HPSE2: variants seen among roughly 807,000 people sequenced by gnomAD.
HPSE2 encodes the protein inactive heparanase-2.
In HPSE2, 38 loss-of-function variants were observed where a neutral mutation model predicts 60.5. The ratio of observed to expected loss-of-function variants is 0.63; its 90% CI spans 0.48 to 0.82. The LOEUF (loss-of-function observed/expected upper bound fraction) is 0.82. Among genes scored for constraint, HPSE2 ranks in the 40% least tolerant of loss-of-function variants. HPSE2 has a pLI of 0.00. For synonymous variants in HPSE2, 295 were observed against 293.2 expected (o/e 1.01, Z -0.06); for missense variants, 713 against 740.4 (o/e 0.96, Z 0.43).
At chr10:98,555,676 TATA>T (rs1176868024) in intron 9 of HPSE2, among the ~76,000 whole-genome samples, 2 of 152,246 alleles carry the variant, frequency 1.3e-5, no homozygotes, top group African/African-American at 2.4e-5. Flanking sequence ...GTATAAAGTT[TATA>T]ATAAGAAAAG....
At chr10:99,059,336 C>T (rs188045853) in intron 3 of HPSE2, among the ~76,000 whole-genome samples, 239 of 152,208 alleles carry the variant, frequency 1.6e-3, no homozygotes, top group South Asian at 6.8e-3. Context: ...GTGAATTTTT[C>T]GCTCTCAGGA....
At chr10:99,067,830 G>C (rs1385605180) in intron 3 of HPSE2, among the ~76,000 whole-genome samples, 2 of 152,180 alleles carry the variant, frequency 1.3e-5, no homozygotes, top group Non-Finnish European at 2.9e-5. Flanking sequence ...TCTGCAGCAG[G>C]CTTGAATTTC....
chr10:98,642,132 A>C (rs1565041833), intron 6 of HPSE2, among the ~76,000 whole-genome samples, 192 bp from the exon 7 acceptor site: 1 of 152,008 alleles, frequency 6.6e-6, no homozygotes, highest in Non-Finnish European at 1.5e-5. Context: ...CATTTCCACC[A>C]CTATTTGTGG....
Position 98,934,974 on chromosome 10 carries a change from T to C in HPSE2, c.611-190918A>G, listed in dbSNP as rs578029409. On this transcript the variant is annotated intron_variant, in intron 3 of 11. Transcript: ENST00000370552. ...AGTCCCATAATTCTCAAAGGTTTTG[T>C]TTGTTCCTTTTCATTGTTTATTCTC... is the stretch of plus-strand genomic sequence containing the variant. Among the ~76,000 whole-genome samples, 5 of 142,718 alleles carry C rather than the reference T, an allele frequency of 3.5e-5. No individual in the cohort carries two copies. In the South Asian group the frequency reaches 1.1e-3, roughly 30 times the overall value. 93.6% of individuals were successfully genotyped at this position (142,718 alleles called of 152,430 possible). A position where few individuals can be genotyped will look rare whatever the true frequency, so the allele number is the denominator to read the frequency against.
At chr10:98,674,893 C>T (rs1305039344) in intron 6 of HPSE2, among the ~76,000 whole-genome samples, 1 of 152,042 alleles carries the variant, frequency 6.6e-6, no homozygotes, top group Non-Finnish European at 1.5e-5. Flanking sequence ...GTGCACTCCA[C>T]CCTGGGCGAC....
At chr10:98,491,333 G>C (rs1941637307) in intron 9 of HPSE2, among the ~76,000 whole-genome samples, 1 of 152,104 alleles carries the variant, frequency 6.6e-6, no homozygotes, top group Non-Finnish European at 1.5e-5. Flanking sequence ...TCTGCCCTGA[G>C]TAGTGTGCTC....
the HPSE2 span, among the ~76,000 whole-genome samples, chr10:99,254,546 G>GA: frequency 6.6e-6 from 1 of 151,694 alleles, no homozygotes; most frequent in East Asian, 1.9e-4. Context: ...TCTAAAAGTT[G>GA]AAAAAAAATT....
intron 9 of HPSE2, among the ~76,000 whole-genome samples, chr10:98,555,492 C>T (rs1202580654): frequency 1.3e-5 from 2 of 152,178 alleles, no homozygotes; most frequent in African/African-American, 4.8e-5. Context: ...GGGCTGTATA[C>T]TTTGGCACAG....
rs373208981 is a variant in HPSE2 at position 98,593,367 on chromosome 10, C to T, written c.1320+21537G>A. On this transcript the variant is annotated intron_variant, in intron 9 of 11. Coordinates refer to ENST00000370552, the MANE Select transcript of HPSE2 (RefSeq NM_021828.5). ...CATTGGAATAAGATTCCAAAGGCAGCGAAAATCCAGATTATGGAAAGCGTT... is the reference window on the plus strand; with the variant it reads ...CATTGGAATAAGATTCCAAAGGCAGTGAAAATCCAGATTATGGAAAGCGTT... 7.2e-5 allele frequency among the ~76,000 whole-genome samples: 11 copies of T among 151,786 alleles called. No individual in the cohort carries two copies. In the East Asian group the frequency reaches 2.1e-3, roughly 29 times the overall value.
At chr10:99,153,080 G>A (rs1003442482) in intron 2 of HPSE2, among the ~76,000 whole-genome samples, 9 of 152,218 alleles carry the variant, frequency 5.9e-5, no homozygotes, top group African/African-American at 4.8e-5. Flanking sequence ...ATTATATCCC[G>A]CACATGGCTC....
chr10:98,528,013 G>A (rs557627956), intron 9 of HPSE2, among the ~76,000 whole-genome samples: 64 of 152,206 alleles, frequency 4.2e-4, no homozygotes, highest in Admixed American at 2.2e-3. Flanking sequence ...TATCATTCGC[G>A]GTCAGGTGTT....
Position 98,817,180 on chromosome 10 carries a change from T to C in HPSE2, c.611-73124A>G, listed in dbSNP as rs1317455959. ...ATTTTTCCAGGTATGTTAGTTTTCC[T>C]ATTATTTGGAAATTTTCCTATTGGT... On this transcript the variant is annotated intron_variant, in intron 3 of 11. Coordinates refer to ENST00000370552, the MANE Select transcript of HPSE2 (RefSeq NM_021828.5). Among the ~76,000 whole-genome samples the C allele has an allele frequency of 2.0e-5, 3 of 152,182 alleles. No individual in the cohort carries two copies. In the East Asian group the frequency reaches 5.8e-4, roughly 29 times the overall value.
At chr10:98,850,103 G>A (rs560182796) in intron 3 of HPSE2, among the ~76,000 whole-genome samples, 1 of 152,064 alleles carries the variant, frequency 6.6e-6, no homozygotes, top group South Asian at 2.1e-4. Context: ...ATTCTTACTT[G>A]GCTTATGAAA....
chr10:98,632,980 A>G (rs187118476), intron 7 of HPSE2, among the ~76,000 whole-genome samples: 61 of 152,060 alleles, frequency 4.0e-4, no homozygotes, highest in African/African-American at 1.4e-3. Context: ...TGGAAGTTAC[A>G]CTGGGTGCAC....
chr10:98,751,327 T>G (rs1350941142), intron 3 of HPSE2, among the ~76,000 whole-genome samples: 1 of 152,176 alleles, frequency 6.6e-6, no homozygotes, highest in Non-Finnish European at 1.5e-5. Context: ...TACCTGGGAA[T>G]TAAATTGGCA....
the HPSE2 span, among the ~76,000 whole-genome samples, chr10:99,268,595 G>A: frequency 3.4e-5 from 5 of 147,378 alleles, no homozygotes; most frequent in East Asian, 2.0e-4. Flanking sequence ...GCAGTGAGCC[G>A]AGATCGGGCC....
At chr10:98,737,008 C>T (rs976315635) in intron 4 of HPSE2, among the ~76,000 whole-genome samples, 1 of 152,148 alleles carries the variant, frequency 6.6e-6, no homozygotes, top group African/African-American at 2.4e-5. Flanking sequence ...GAGAAGCAGA[C>T]AGGAAGAGAA....
chr10:99,306,722 T>C, the HPSE2 span, among the ~76,000 whole-genome samples: 11 of 152,266 alleles, frequency 7.2e-5, no homozygotes, highest in African/African-American at 2.2e-4. Context: ...TTGTTTTTTG[T>C]TTTTAAGACA....
chr10:98,796,432 C>T (rs191018704), intron 3 of HPSE2, among the ~76,000 whole-genome samples: 7 of 152,290 alleles, frequency 4.6e-5, no homozygotes, highest in Admixed American at 3.9e-4. Context: ...CAGAAAGGCT[C>T]CTCTGCCTGT....
Sources: gnomAD v4.1 joint callset for allele counts (sites outside exome capture counted in the v4.1 genomes callset) on GRCh38, gnomAD v4.1.1 for gene constraint, MANE v1.5 for transcripts, NCBI Gene and HGNC (gene_info 2026-07-23, HGNC 2026-07-21) for gene names.